Variants in RAB3C observed in about 807,000 individuals in gnomAD.
The protein encoded by RAB3C is RAB3C, member RAS oncogene family.
In RAB3C, 17 loss-of-function variants were observed where a neutral mutation model predicts 26.4. That is an observed-to-expected ratio of 0.64 (90% CI 0.44 to 0.97). The LOEUF (loss-of-function observed/expected upper bound fraction) is 0.97. Ranked by LOEUF, RAB3C falls within the 50% of genes least tolerant of loss-of-function variation. The pLI, the probability that RAB3C is intolerant of heterozygous loss-of-function variation, is 0.00. For synonymous variants in RAB3C, 91 were observed against 95.9 expected, an observed-to-expected ratio of 0.95 and a Z score of 0.30; for missense variants, 242 against 281.9, an observed-to-expected ratio of 0.86 and a Z score of 1.01.
chr5:58,583,058 C>T, upstream of RAB3C: 1 of 1,475,842 alleles, frequency 6.8e-7, no homozygotes, highest in East Asian at 2.4e-5. Flanking sequence ...TGTGCGGCGC[C>T]AGGAGAGGAC....
chr5:58,640,394 C>T (rs1269901339), intron 2 of RAB3C, among the ~76,000 whole-genome samples: 1 of 152,134 alleles, frequency 6.6e-6, no homozygotes, highest in African/African-American at 2.4e-5. Flanking sequence ...TTTAAAATAA[C>T]TCGGAGTGTG....
intron 3 of RAB3C, among the ~76,000 whole-genome samples, chr5:58,757,936 T>G (rs1315109608): frequency 2.6e-5 from 4 of 151,764 alleles, no homozygotes; most frequent in Non-Finnish European, 5.9e-5. Context: ...TTGTTGTTGT[T>G]TTGTTTTGTT....
chr5:58,766,131 T>G (rs1383155409), intron 3 of RAB3C, among the ~76,000 whole-genome samples: 1 of 151,624 alleles, frequency 6.6e-6, no homozygotes, highest in Non-Finnish European at 1.5e-5. Context: ...TTTTTTTTTT[T>G]TTTTGAGATG....
intron 3 of RAB3C, among the ~76,000 whole-genome samples, chr5:58,808,980 T>C (rs1743008351): frequency 6.6e-6 from 1 of 152,188 alleles, no homozygotes. Flanking sequence ...TTTCTTTATC[T>C]CCAGTGCATT....
At chr5:58,667,018 G>C (rs938402815) in intron 2 of RAB3C, among the ~76,000 whole-genome samples, 11 of 152,176 alleles carry the variant, frequency 7.2e-5, no homozygotes, top group African/African-American at 2.7e-4. Context: ...CTTTTAGACA[G>C]ACTATGTGAA....
At chr5:58,751,737 G>A (rs571204975) in intron 3 of RAB3C, among the ~76,000 whole-genome samples, 2 of 152,294 alleles carry the variant, frequency 1.3e-5, no homozygotes, top group South Asian at 2.1e-4. Context: ...TTTTGACTGA[G>A]CTGACTTTTT....
At chr5:58,689,046 A>G (rs1748507878) in intron 2 of RAB3C, among the ~76,000 whole-genome samples, 1 of 152,060 alleles carries the variant, frequency 6.6e-6, no homozygotes, top group African/African-American at 2.4e-5. Context: ...TTTAATCCCC[A>G]CAGAAGCTCT....
intron 3 of RAB3C, among the ~76,000 whole-genome samples, chr5:58,792,564 AACC>A (rs1435330087): frequency 6.6e-6 from 1 of 152,184 alleles, no homozygotes; most frequent in African/African-American, 2.4e-5. Flanking sequence ...GGAAGCTGTG[AACC>A]ACACATGGAA....
chr5:58,772,278 G>A (rs532922771), intron 3 of RAB3C, among the ~76,000 whole-genome samples: 2 of 152,264 alleles, frequency 1.3e-5, no homozygotes, highest in East Asian at 1.9e-4. Flanking sequence ...GACCAATGTA[G>A]TGCTTCAAGA....
At chr5:58,801,252 G>C (rs1047172189) in intron 3 of RAB3C, among the ~76,000 whole-genome samples, 4 of 152,190 alleles carry the variant, frequency 2.6e-5, no homozygotes, top group Non-Finnish European at 4.4e-5. Context: ...AGGGTTCCAA[G>C]GATTACCTCT....
intron 1 of RAB3C, among the ~76,000 whole-genome samples, chr5:58,609,044 G>A (rs1168974740): frequency 6.6e-6 from 1 of 152,118 alleles, no homozygotes; most frequent in African/African-American, 2.4e-5. Flanking sequence ...ATGTTGGGGA[G>A]TGGGGAGGAG....
chr5:58,693,748 A>G (rs957123883), intron 2 of RAB3C, among the ~76,000 whole-genome samples: 8 of 152,100 alleles, frequency 5.3e-5, no homozygotes, highest in Non-Finnish European at 7.4e-5. Context: ...TGCCTAACCC[A>G]GTGACCAGAA....
intron 2 of RAB3C, among the ~76,000 whole-genome samples, chr5:58,641,413 G>C (rs1022055): frequency 0.1 from 15,454 of 152,234 alleles, 939 homozygotes; most frequent in Middle Eastern, 0.2. Context: ...TTTCATATTG[G>C]TCAAAATGTT....
intron 2 of RAB3C, among the ~76,000 whole-genome samples, chr5:58,660,919 A>T (rs1301116210): frequency 6.7e-6 from 1 of 150,148 alleles, no homozygotes; most frequent in Non-Finnish European, 1.5e-5. Context: ...CCCATCTACC[A>T]TGGATGCTTG....
At chr5:58,637,648 A>C (rs1561274827) in intron 2 of RAB3C, among the ~76,000 whole-genome samples, 1 of 152,322 alleles carries the variant, frequency 6.6e-6, no homozygotes, top group East Asian at 1.9e-4. Flanking sequence ...AGGCTTAGTC[A>C]TAATTAACTT....
At chr5:58,815,542 G>T (rs1282571878) in intron 3 of RAB3C, among the ~76,000 whole-genome samples, 1 of 152,176 alleles carries the variant, frequency 6.6e-6, no homozygotes, top group Non-Finnish European at 1.5e-5. Context: ...ACTGCAGACA[G>T]TGTCAGGGTA....
intron 2 of RAB3C, among the ~76,000 whole-genome samples, chr5:58,643,111 T>A (rs1227918590): frequency 1.3e-5 from 2 of 152,242 alleles, no homozygotes; most frequent in Non-Finnish European, 1.5e-5. Flanking sequence ...ACAGTCTGCC[T>A]GTATAGCTAA....
rs1041659226 is a variant in RAB3C, at chr5:58,704,896, C to T, written c.253-21106C>T. Among the ~76,000 whole-genome samples the T allele has an allele frequency of 2.6e-5, 4 of 152,104 alleles. No individual in the cohort carries two copies. The East Asian group carries it at 7.7e-4, about 29-fold the overall frequency. On this transcript the variant is annotated intron_variant, in intron 2 of 4. Coordinates refer to ENST00000282878, the MANE Select transcript of RAB3C (RefSeq NM_138453.4). ...CACCATTAGTTAGCACAATAAGAAACTCAAGTTATCAAATCAGAGAGCACT... is the reference window on the plus strand; with the variant it reads ...CACCATTAGTTAGCACAATAAGAAATTCAAGTTATCAAATCAGAGAGCACT...
rs1171328799 is a variant in RAB3C at position 58,726,007 on chromosome 5, A to G, written c.258A>G (p.Thr86=). Residue 86 remains threonine (T), a synonymous_variant, in exon 3 of 5, where the codon ACA becomes ACG. Coordinates refer to ENST00000282878, the MANE Select transcript of RAB3C (RefSeq NM_138453.4). ...ATTTTTTTTTTATTCTTTAGGACAC[A>G]GCAGGCCAGGAAAGATACAGGACTA... The part of the protein sequence containing the change: ...EKRIKLQIWD[T]AGQERYRTIT... 2.5e-6 allele frequency: 4 copies of G among 1,579,586 alleles called. No homozygotes were observed. Among genetic ancestry groups the G allele is most frequent in the South Asian group, 2.3e-5 (2 of 86,992 alleles).
Sources: gnomAD v4.1 joint callset for allele counts (sites outside exome capture counted in the v4.1 genomes callset) on GRCh38, gnomAD v4.1.1 for gene constraint, MANE v1.5 for transcripts, NCBI Gene and HGNC (gene_info 2026-07-23, HGNC 2026-07-21) for gene names.